Variants in EYS observed in about 807,000 individuals in gnomAD.
EYS encodes the protein protein eyes shut homolog.
Under a neutral mutation model 282.1 loss-of-function variants are expected in EYS, and 250 were observed. The observed-to-expected ratio is 0.89, with a 90% CI of 0.80 to 0.98. The LOEUF (loss-of-function observed/expected upper bound fraction) is 0.98, where lower values mean the gene tolerates loss of function less well. Ranked by LOEUF, EYS falls within the 50% of genes least tolerant of loss-of-function variation. The pLI is 0.00. For synonymous variants in EYS, 1,355 were observed against 1,282.9 expected (o/e 1.06, Z -1.20); for missense variants, 4,016 against 3,709.0 (o/e 1.08, Z -2.15).
At chr6:65,247,446 A>G (rs1767208756) in intron 12 of EYS, among the ~76,000 whole-genome samples, 1 of 152,072 alleles carries the variant, frequency 6.6e-6, no homozygotes, top group South Asian at 2.1e-4. Context: ...TATTCCTAAT[A>G]TATAAATATT....
chr6:65,482,419 G>C (rs1323174577), intron 5 of EYS, among the ~76,000 whole-genome samples: 1 of 152,172 alleles, frequency 6.6e-6, no homozygotes, highest in Non-Finnish European at 1.5e-5. Context: ...CTGCATGGCA[G>C]GGGGTTAGAG....
chr6:65,637,171 G>C (rs771659294), intron 2 of EYS, among the ~76,000 whole-genome samples: 19 of 152,096 alleles, frequency 1.2e-4, no homozygotes, highest in Admixed American at 1.2e-3. Flanking sequence ...ATTTAAAAAC[G>C]ATAAAGGCAG....
intron 2 of EYS, among the ~76,000 whole-genome samples, chr6:65,627,439 C>T (rs1265056834): frequency 2.0e-5 from 3 of 152,290 alleles, no homozygotes; most frequent in Middle Eastern, 3.4e-3. Flanking sequence ...ACTTGAGGAG[C>T]CCTTCGGCCG....
chr6:63,944,806 C>T (rs1321775917), intron 35 of EYS, among the ~76,000 whole-genome samples: 3 of 151,984 alleles, frequency 2.0e-5, no homozygotes, highest in Non-Finnish European at 4.4e-5. Flanking sequence ...TGGTGGCACA[C>T]ACCTGTAATT....
intron 28 of EYS, among the ~76,000 whole-genome samples, chr6:64,418,366 A>T (rs1774125895): frequency 6.6e-6 from 1 of 152,212 alleles, no homozygotes; most frequent in Non-Finnish European, 1.5e-5. Flanking sequence ...ATTTTCTAAT[A>T]ACCAGTTCTA....
Position 64,675,428 on chromosome 6 carries a change from C to CTTTTTTTTTTTTTTT in EYS, c.3444-49198_3444-49184dup, listed in dbSNP as rs56346431. 7.9e-4 allele frequency among the ~76,000 whole-genome samples: 91 copies of CTTTTTTTTTTTTTTT among 114,638 alleles called. 1 individual carries two copies. Among genetic ancestry groups the CTTTTTTTTTTTTTTT allele is most frequent in the East Asian group, 3.1e-3 (12 of 3,860 alleles). The allele number at this position is 114,638 out of a possible 152,430, so 75.2% of individuals were successfully genotyped here. Reference sequence around the variant, plus strand: ...GTTTTTCCTGTTTCTCTTTTTTTTTCTTTTTTTTTTTTTTTTTGAGATGGA... The same window carrying CTTTTTTTTTTTTTTT: ...GTTTTTCCTGTTTCTCTTTTTTTTTCTTTTTTTTTTTTTTTTTTTTTTTTTTTTTTTTGAGATGGA... On this transcript the variant is annotated intron_variant, in intron 22 of 42. Transcript: ENST00000503581.
chr6:65,422,032 A>G (rs1767485996), intron 5 of EYS, among the ~76,000 whole-genome samples: 1 of 151,864 alleles, frequency 6.6e-6, no homozygotes, highest in African/African-American at 2.4e-5. Flanking sequence ...TGTTAGAAAA[A>G]CTGGTGCTGA....
chr6:64,160,915 T>A (rs939531740), intron 31 of EYS, among the ~76,000 whole-genome samples: 9 of 152,098 alleles, frequency 5.9e-5, no homozygotes, highest in African/African-American at 2.2e-4. Context: ...GGACTGCTGT[T>A]CCATTGCCAA....
rs749682018 is a variant in EYS at position 64,565,889 on chromosome 6, C to T, written c.5644+24334G>A. On this transcript the variant is annotated intron_variant, in intron 26 of 42. Transcript: ENST00000503581. ...TAACATTATATACCTTAAATAGATA[C>T]AATACAATTCTTTAAAATTATACCT... 3.7e-5 allele frequency among the ~76,000 whole-genome samples: 5 copies of T among 136,348 alleles called. No individual in the cohort carries two copies. In the South Asian group the frequency reaches 1.1e-3, roughly 31 times the overall value. The allele number at this position is 136,348 out of a possible 152,430, so 89.4% of individuals were successfully genotyped here.
chr6:63,732,384 A>T (rs1195945742), intron 41 of EYS, among the ~76,000 whole-genome samples: 2 of 152,158 alleles, frequency 1.3e-5, no homozygotes, highest in East Asian at 1.9e-4. Context: ...GCATTTTCTA[A>T]TAATAATACA....
chr6:64,494,699 C>G (rs1396429024), intron 26 of EYS, among the ~76,000 whole-genome samples: 2 of 151,658 alleles, frequency 1.3e-5, no homozygotes, highest in Non-Finnish European at 3.0e-5. Context: ...AACCACTACT[C>G]TTAACATTGG....
intron 22 of EYS, among the ~76,000 whole-genome samples, chr6:64,766,889 A>C (rs1766049832): frequency 6.6e-6 from 1 of 151,422 alleles, no homozygotes; most frequent in South Asian, 2.1e-4. Context: ...GCAAAAGAAT[A>C]ATTTGTTTAT....
chr6:65,561,555 G>C (rs924076551), intron 2 of EYS, among the ~76,000 whole-genome samples: 1 of 151,874 alleles, frequency 6.6e-6, no homozygotes, highest in African/African-American at 2.4e-5. Context: ...TTTTCCAATG[G>C]GTAATGGTAT....
intron 2 of EYS, among the ~76,000 whole-genome samples, chr6:65,618,484 T>A (rs1381024537): frequency 4.6e-5 from 7 of 152,190 alleles, no homozygotes; most frequent in African/African-American, 1.2e-4. Flanking sequence ...TTGCAAAAAT[T>A]TTTTCCTATT....
At chr6:64,882,830 A>G (rs896859533) in intron 19 of EYS, among the ~76,000 whole-genome samples, 1 of 151,632 alleles carries the variant, frequency 6.6e-6, no homozygotes, top group African/African-American at 2.4e-5. Context: ...GATGGAGAGA[A>G]GAGATAAAAT....
intron 34 of EYS, among the ~76,000 whole-genome samples, chr6:63,992,278 T>A (rs1312000785): frequency 1.3e-5 from 2 of 151,858 alleles, no homozygotes; most frequent in African/African-American, 4.8e-5. Context: ...TATTGTTGTA[T>A]TGTTATTTTT....
intron 7 of EYS, among the ~76,000 whole-genome samples, chr6:65,393,786 C>T (rs1390231887): frequency 2.6e-5 from 4 of 151,350 alleles, no homozygotes; most frequent in Non-Finnish European, 5.9e-5. Context: ...GTTAATACAT[C>T]AAATTGAAAT....
intron 22 of EYS, among the ~76,000 whole-genome samples, chr6:64,737,621 C>A (rs1025333136): frequency 3.3e-5 from 5 of 152,132 alleles, no homozygotes; most frequent in African/African-American, 1.2e-4. Flanking sequence ...GTATGTTTTG[C>A]AAGTGAGGTC....
Position 63,889,364 on chromosome 6 carries a change from G to A in EYS, c.7056-25006C>T, listed in dbSNP as rs886096202. Among the ~76,000 whole-genome samples, 7 of 152,134 alleles carry A rather than the reference G, an allele frequency of 4.6e-5. No homozygotes were observed. In the South Asian group the frequency reaches 1.2e-3, roughly 27 times the overall value. On this transcript the variant is annotated intron_variant, in intron 35 of 42. Coordinates refer to ENST00000503581, the MANE Select transcript of EYS (RefSeq NM_001142800.2). The stretch of plus-strand genomic sequence containing the variant: ...AGAAATAAGGGAAAAGATGTTAAGG[G>A]GAGCCAGAGAGAAAGGTCGGGGAAG...
Sources: gnomAD v4.1 joint callset for allele counts (sites outside exome capture counted in the v4.1 genomes callset) on GRCh38, gnomAD v4.1.1 for gene constraint, MANE v1.5 for transcripts, NCBI Gene and HGNC (gene_info 2026-07-23, HGNC 2026-07-21) for gene names.